Variants in SUGCT observed in about 807,000 individuals in gnomAD.
SUGCT encodes the protein succinyl-CoA:glutarate-CoA transferase.
A neutral mutation model predicts 55.0 loss-of-function variants in SUGCT; 41 were observed. The ratio of observed to expected loss-of-function variants is 0.74; its 90% confidence interval spans 0.58 to 0.97. SUGCT has a LOEUF of 0.97. SUGCT is among the 50% of genes least tolerant of loss of function. The pLI, the probability that SUGCT is intolerant of heterozygous loss-of-function variation, is 0.00. For synonymous variants in SUGCT, 187 were observed against 200.4 expected (o/e 0.93, Z 0.56); for missense variants, 568 against 547.8 (o/e 1.04, Z -0.37).
At chr7:40,687,030 C>T (rs1449708933) in intron 12 of SUGCT, among the ~76,000 whole-genome samples, 2 of 152,156 alleles carry the variant, frequency 1.3e-5, no homozygotes, top group African/African-American at 2.4e-5. Context: ...CCCTCACCCC[C>T]AACCCACAAT....
intron 12 of SUGCT, 67 bp from the exon 13 acceptor site, chr7:40,749,367 C>T: frequency 1.6e-6 from 2 of 1,243,916 alleles, no homozygotes; most frequent in Non-Finnish European, 1.2e-6. Flanking sequence ...AGATGGCTGT[C>T]CATGCCTTGC....
chr7:40,464,741 C>T (rs928976867), intron 11 of SUGCT, among the ~76,000 whole-genome samples: 2 of 152,166 alleles, frequency 1.3e-5, no homozygotes, highest in Non-Finnish European at 2.9e-5. Context: ...GGGAAAGAAA[C>T]CATCCTGTGA....
At chr7:40,621,910 T>A (rs1206043747) in intron 12 of SUGCT, among the ~76,000 whole-genome samples, 1 of 152,192 alleles carries the variant, frequency 6.6e-6, no homozygotes, top group African/African-American at 2.4e-5. Context: ...TCATTATTCT[T>A]ACATTCCCTC....
the SUGCT span, among the ~76,000 whole-genome samples, chr7:41,035,690 A>G: frequency 6.6e-6 from 1 of 152,232 alleles, no homozygotes; most frequent in Non-Finnish European, 1.5e-5. Flanking sequence ...ACTATCTTAA[A>G]ATGGTTGATT....
At chr7:40,276,473 G>A (rs1429531389) in intron 8 of SUGCT, among the ~76,000 whole-genome samples, 1 of 152,140 alleles carries the variant, frequency 6.6e-6, no homozygotes, top group Non-Finnish European at 1.5e-5. Flanking sequence ...ATCCACAGGA[G>A]GCCCTATAGT....
intron 1 of SUGCT, among the ~76,000 whole-genome samples, chr7:40,160,803 A>G (rs1261160586): frequency 6.6e-6 from 1 of 152,150 alleles, no homozygotes; most frequent in African/African-American, 2.4e-5. Flanking sequence ...TAATAGTGAC[A>G]TGCAAATTTT....
At chr7:40,754,231 G>A (rs906159070) in intron 13 of SUGCT, among the ~76,000 whole-genome samples, 1 of 152,148 alleles carries the variant, frequency 6.6e-6, no homozygotes, top group African/African-American at 2.4e-5. Context: ...CTATCAATGG[G>A]TGTATAAGTG....
the SUGCT span, among the ~76,000 whole-genome samples, chr7:40,990,792 C>T: frequency 6.6e-6 from 1 of 152,208 alleles, no homozygotes; most frequent in African/African-American, 2.4e-5. Flanking sequence ...GAGAGAGCTT[C>T]TTTTCTCAAA....
chr7:40,336,924 G>A (rs988962046), intron 9 of SUGCT, among the ~76,000 whole-genome samples: 3 of 152,144 alleles, frequency 2.0e-5, no homozygotes, highest in African/African-American at 7.2e-5. Context: ...CTTTAAATGT[G>A]TCCCAGAGAT....
chr7:40,513,276 A>G (rs1404484706), intron 12 of SUGCT, among the ~76,000 whole-genome samples: 1 of 152,162 alleles, frequency 6.6e-6, no homozygotes, highest in South Asian at 2.1e-4. Context: ...AATTCTGATA[A>G]TAATCAAGCT....
At chr7:40,651,186 G>T (rs1401753080) in intron 12 of SUGCT, among the ~76,000 whole-genome samples, 1 of 152,136 alleles carries the variant, frequency 6.6e-6, no homozygotes, top group Non-Finnish European at 1.5e-5. Flanking sequence ...GAAAATATGT[G>T]TGCATGTATT....
intron 13 of SUGCT, among the ~76,000 whole-genome samples, chr7:40,843,508 C>CAAAAAAA (rs57586466): frequency 3.1e-5 from 4 of 127,880 alleles, no homozygotes; most frequent in Non-Finnish European, 6.7e-5. Flanking sequence ...GACTCTGTCT[C>CAAAAAAA]AAAAAAAAAA....
intron 12 of SUGCT, among the ~76,000 whole-genome samples, chr7:40,542,601 C>CT (rs2151622042): frequency 6.6e-6 from 1 of 152,240 alleles, no homozygotes; most frequent in East Asian, 1.9e-4. Context: ...TAATAAAGGC[C>CT]TTTTTGCTCA....
chr7:40,756,651 AAAATT>A, intron 13 of SUGCT, among the ~76,000 whole-genome samples: 1 of 152,206 alleles, frequency 6.6e-6, no homozygotes, highest in African/African-American at 2.4e-5. Context: ...GGGAAAAAGA[AAAATT>A]AAGAGGAACC....
intron 13 of SUGCT, among the ~76,000 whole-genome samples, chr7:40,790,462 T>G (rs533904503): frequency 5.6e-4 from 85 of 152,334 alleles, no homozygotes; most frequent in Middle Eastern, 6.8e-3. Context: ...AATGGACTAA[T>G]ATAGCTTTGA....
At chr7:40,605,557 A>G (rs1206519130) in intron 12 of SUGCT, among the ~76,000 whole-genome samples, 2 of 152,186 alleles carry the variant, frequency 1.3e-5, no homozygotes, top group Admixed American at 6.5e-5. Flanking sequence ...GGCACCGACT[A>G]TGTACCTGCC....
chr7:40,239,482 G>T lies in SUGCT; in HGVS notation c.576+1756G>T, dbSNP rs1789234552. On this transcript the variant is annotated intron_variant, in intron 7 of 13. Coordinates refer to ENST00000335693, the MANE Select transcript of SUGCT (RefSeq NM_001193313.2). Reference sequence around the variant, plus strand: ...ATTCCATAGGCTCTCATGTGGCCAAGACATTCTTTATTGTGAATGGTTTTA... The same window carrying T: ...ATTCCATAGGCTCTCATGTGGCCAATACATTCTTTATTGTGAATGGTTTTA... Among the ~76,000 whole-genome samples the T allele has an allele frequency of 2.0e-5, 3 of 152,270 alleles. No homozygotes were observed. In the South Asian group the frequency reaches 6.2e-4, roughly 32 times the overall value.
chr7:40,135,073 C>T lies in SUGCT; in HGVS notation c.53C>T (p.Ser18Phe), dbSNP rs749770360. Residue 18 changes from serine (S) to phenylalanine (F), a missense_variant, in exon 1 of 14, where the codon TCC becomes TTC. Physicochemically the swap from Ser to Phe is radical, Grantham distance 155 (BLOSUM62 -2). Transcript: ENST00000335693. Reference sequence around the variant, plus strand: ...GCTCTGCGCAGAACCTGCCTCTTCTCCGGCCGGGGCGGCGGGAGGGGGCTG... The same window carrying T: ...GCTCTGCGCAGAACCTGCCTCTTCTTCGGCCGGGGCGGCGGGAGGGGGCTG... ...VAALRRTCLF[S>F]GRGGGRGLWT... is the part of the protein sequence containing the mutation. 35 of 1,560,654 alleles carry T rather than the reference C, an allele frequency of 2.2e-5. No individual in the cohort carries two copies. In the South Asian group the frequency reaches 3.7e-4, roughly 16 times the overall value.
intron 7 of SUGCT, among the ~76,000 whole-genome samples, chr7:40,244,635 T>A (rs1401794149): frequency 6.6e-6 from 1 of 152,172 alleles, no homozygotes; most frequent in African/African-American, 2.4e-5. Flanking sequence ...GATATTTATC[T>A]CCTCCTTTAA....
Sources: allele counts gnomAD v4.1 joint callset (sites outside exome capture counted in the v4.1 genomes callset), GRCh38; gene constraint gnomAD v4.1.1; transcripts MANE v1.5; gene names NCBI Gene and HGNC (gene_info 2026-07-23, HGNC 2026-07-21).